The following RBMS1 variants were observed in gnomAD, a reference collection of about 807,000 sequenced individuals.
RBMS1 encodes the protein RNA-binding motif, single-stranded-interacting protein 1.
A neutral mutation model predicts 62.3 loss-of-function variants in RBMS1; 17 were observed. The ratio of observed to expected loss-of-function variants is 0.27; its 90% CI spans 0.19 to 0.41. The LOEUF is 0.41. Among genes scored for constraint, RBMS1 ranks in the 10% least tolerant of loss-of-function variants. RBMS1 has a pLI of 1.00. For synonymous variants in RBMS1, 172 were observed against 170.0 expected, an observed-to-expected ratio of 1.01 and a Z score of -0.09; for missense variants, 334 against 504.5, an observed-to-expected ratio of 0.66 and a Z score of 3.24.
chr2:160,290,832 A>G (rs1688635032), intron 6 of RBMS1, among the ~76,000 whole-genome samples: 1 of 152,164 alleles, frequency 6.6e-6, no homozygotes, highest in African/African-American at 2.4e-5. Flanking sequence ...GTGTGCTCTC[A>G]ACAGAGCTTT....
intron 1 of RBMS1, among the ~76,000 whole-genome samples, chr2:160,431,048 T>C (rs946401999): frequency 6.7e-6 from 1 of 150,368 alleles, no homozygotes; most frequent in African/African-American, 2.4e-5. Context: ...TTCCCACTGA[T>C]AGCTAAGTGT....
At chr2:160,336,276 T>A (rs1457614232) in intron 2 of RBMS1, among the ~76,000 whole-genome samples, 1 of 152,164 alleles carries the variant, frequency 6.6e-6, no homozygotes, top group Non-Finnish European at 1.5e-5. Flanking sequence ...ATACAAACAC[T>A]CTGTGGCAAA....
At chr2:160,388,798 TC>T (rs1199056278) in intron 1 of RBMS1, among the ~76,000 whole-genome samples, 1 of 152,254 alleles carries the variant, frequency 6.6e-6, no homozygotes, top group Non-Finnish European at 1.5e-5. Flanking sequence ...TCATGGCTCC[TC>T]TAATTGACAT....
At chr2:160,322,185 G>C (rs1240765505) in intron 2 of RBMS1, among the ~76,000 whole-genome samples, 1 of 152,166 alleles carries the variant, frequency 6.6e-6, no homozygotes, top group East Asian at 1.9e-4. Context: ...TTGTGCATAT[G>C]AGAAAACAAA....
chr2:160,304,950 GTTCAAGCGATTCTCC>G (rs1231228577), intron 4 of RBMS1, among the ~76,000 whole-genome samples: 1 of 152,118 alleles, frequency 6.6e-6, no homozygotes, highest in Non-Finnish European at 1.5e-5. Flanking sequence ...TGCCTCCCGG[GTTCAAGCGATTCTCC>G]TGCCTCAGCC....
At chr2:160,286,934 T>TCCCCCCCC in intron 7 of RBMS1, 35 bp downstream of exon 7, 6 of 1,514,194 alleles carry the variant, frequency 4.0e-6, no homozygotes, top group Admixed American at 1.8e-5. Flanking sequence ...TCACACCCCC[T>TCCCCCCCC]CCCCCACCCC....
chr2:160,407,549 G>GGCGGGT (rs1401721500), intron 1 of RBMS1: 52 of 985,228 alleles, frequency 5.3e-5, no homozygotes, highest in Non-Finnish European at 5.9e-5. Flanking sequence ...GGGCGGCGGC[G>GGCGGGT]GCGGGTGCGG....
chr2:160,357,604 T>C (rs1258465181), intron 2 of RBMS1, among the ~76,000 whole-genome samples: 1 of 152,174 alleles, frequency 6.6e-6, no homozygotes, highest in Non-Finnish European at 1.5e-5. Context: ...CGTGCAGTTA[T>C]GCTTAATACT....
At chr2:160,290,672 G>C (rs1688629068) in intron 6 of RBMS1, among the ~76,000 whole-genome samples, 1 of 152,138 alleles carries the variant, frequency 6.6e-6, no homozygotes, top group African/African-American at 2.4e-5. Flanking sequence ...AGAACCAACA[G>C]GAACATGCAT....
chr2:160,479,916 T>C (rs1297108272), intron 1 of RBMS1, among the ~76,000 whole-genome samples: 1 of 152,196 alleles, frequency 6.6e-6, no homozygotes, highest in Non-Finnish European at 1.5e-5. Context: ...TTCTATGTAG[T>C]TGTTTTTGGC....
At chr2:160,390,155 C>T (rs1177683527) in intron 1 of RBMS1, among the ~76,000 whole-genome samples, 1 of 152,192 alleles carries the variant, frequency 6.6e-6, no homozygotes. Flanking sequence ...CTTTTCCACT[C>T]CACCCACTTA....
chr2:160,348,748 A>C (rs1392795938), intron 2 of RBMS1, among the ~76,000 whole-genome samples: 1 of 152,182 alleles, frequency 6.6e-6, no homozygotes, highest in Non-Finnish European at 1.5e-5. Flanking sequence ...AATGCAAGTG[A>C]TAAATGTAAT....
intron 1 of RBMS1, among the ~76,000 whole-genome samples, chr2:160,468,120 A>G (rs543671094): frequency 4.4e-4 from 67 of 152,330 alleles, no homozygotes; most frequent in African/African-American, 1.5e-3. Flanking sequence ...ACACACCCCA[A>G]CTTCAGGGAT....
chr2:160,330,723 A>C (rs556775648), intron 2 of RBMS1, among the ~76,000 whole-genome samples: 5 of 152,230 alleles, frequency 3.3e-5, no homozygotes, highest in Non-Finnish European at 7.4e-5. Flanking sequence ...CGATCATAGA[A>C]AGACACTATG....
intron 1 of RBMS1, among the ~76,000 whole-genome samples, chr2:160,386,540 C>CAAAAAAAA (rs60611251): frequency 7.2e-6 from 1 of 138,344 alleles, no homozygotes; most frequent in African/African-American, 2.7e-5. Flanking sequence ...GACTCCATCT[C>CAAAAAAAA]AAAAAAAAAA....
intron 1 of RBMS1, among the ~76,000 whole-genome samples, chr2:160,460,681 C>A (rs1310324282): frequency 6.6e-6 from 1 of 152,118 alleles, no homozygotes; most frequent in East Asian, 1.9e-4. Flanking sequence ...TTAATGATGC[C>A]CTTGAGTCAA....
intron 1 of RBMS1, among the ~76,000 whole-genome samples, chr2:160,468,245 A>G (rs903452642): frequency 6.6e-6 from 1 of 152,234 alleles, no homozygotes; most frequent in African/African-American, 2.4e-5. Context: ...ACAAATATTT[A>G]TTAGTGGGTA....
At position 160,277,190 on chromosome 2, in the gene RBMS1, G is replaced by A. The variant is rs940295888; in HGVS notation, c.1143+113C>T. ...CATGACCCACCACATCTGGCTAAACGCAATTCTTTATGCAAATATTTGACG... is the reference window on the plus strand; with the variant it reads ...CATGACCCACCACATCTGGCTAAACACAATTCTTTATGCAAATATTTGACG... On this transcript the variant is annotated intron_variant, in intron 12 of 13. Transcript: ENST00000348849. 17 of 984,624 alleles carry A rather than the reference G, an allele frequency of 1.7e-5. 1 individual carries two copies. Among genetic ancestry groups the A allele is most frequent in the Middle Eastern group, 3.0e-4 (1 of 3,342 alleles). The allele number at this position is 984,624 out of a possible 1,614,324, so 61.0% of individuals were successfully genotyped here. A position where few individuals can be genotyped will look rare whatever the true frequency, so the allele number is the denominator to read the frequency against.
Position 160,318,166 on chromosome 2 carries a change from T to C in RBMS1, c.310+3A>G. 6.3e-7 allele frequency: 1 copy of C among 1,581,808 alleles called. No individual in the cohort carries two copies. Among genetic ancestry groups the C allele is most frequent in the Non-Finnish European group, 8.5e-7 (1 of 1,169,854 alleles). On this transcript the variant is annotated splice_donor_region_variant and intron_variant, in intron 3 of 13. Coordinates refer to ENST00000348849, the MANE Select transcript of RBMS1 (RefSeq NM_016836.4). ...TACCAAATAACCAGCCAAGAAAACA[T>C]ACCTTTGCATTTGTTCGTTGTCTTA...
Sources: allele counts gnomAD v4.1 joint callset (sites outside exome capture counted in the v4.1 genomes callset), GRCh38; gene constraint gnomAD v4.1.1; transcripts MANE v1.5; gene names NCBI Gene and HGNC (gene_info 2026-07-23, HGNC 2026-07-21).